The following ZHX3 variants were observed in gnomAD, a reference collection of about 807,000 sequenced individuals.
ZHX3 encodes the protein zinc fingers and homeoboxes 3, also known as zinc fingers and homeoboxes protein 3.
A neutral mutation model predicts 64.5 loss-of-function variants in ZHX3; 20 were observed. The observed-to-expected ratio is 0.31, with a 90% CI of 0.22 to 0.45. The LOEUF (loss-of-function observed/expected upper bound fraction) is 0.45, where lower values mean the gene tolerates loss of function less well. Among genes scored for constraint, ZHX3 ranks in the 20% least tolerant of loss-of-function variants. ZHX3 has a pLI of 1.00. For missense variants in ZHX3, 1,041 were observed against 1,195.8 expected (o/e 0.87, Z 1.91); for synonymous variants, 423 against 461.6 (o/e 0.92, Z 1.07).
intron 2 of ZHX3, among the ~76,000 whole-genome samples, chr20:41,209,645 C>T (rs1457395444): frequency 2.0e-5 from 3 of 152,048 alleles, no homozygotes; most frequent in African/African-American, 4.8e-5. Flanking sequence ...TAGCCATATG[C>T]AGAAAGCTGA....
chr20:41,306,873 G>A (rs1298998861), intron 1 of ZHX3, among the ~76,000 whole-genome samples: 1 of 152,232 alleles, frequency 6.6e-6, no homozygotes, highest in Non-Finnish European at 1.5e-5. Context: ...AGAGTTGAAT[G>A]GAGGGGTCAA....
At chr20:41,289,697 C>CT (rs11477086) in intron 1 of ZHX3, among the ~76,000 whole-genome samples, 1,598 of 144,308 alleles carry the variant, frequency 0.011, 9 homozygotes, top group Admixed American at 0.016. Flanking sequence ...AAGACTGTCA[C>CT]TTTTTTTTTT....
chr20:41,230,758 T>C (rs1012479723), intron 2 of ZHX3, among the ~76,000 whole-genome samples: 1 of 152,214 alleles, frequency 6.6e-6, no homozygotes, highest in Non-Finnish European at 1.5e-5. Flanking sequence ...CCAGAAGGTA[T>C]AGATATTTCC....
At chr20:41,218,354 T>C (rs2039695198) in intron 2 of ZHX3, among the ~76,000 whole-genome samples, 1 of 152,030 alleles carries the variant, frequency 6.6e-6, no homozygotes, top group African/African-American at 2.4e-5. Flanking sequence ...CTGAGGCGGA[T>C]GACTGCTTAA....
intron 2 of ZHX3, among the ~76,000 whole-genome samples, chr20:41,264,857 A>G (rs1054485516): frequency 6.6e-6 from 1 of 152,200 alleles, no homozygotes; most frequent in Non-Finnish European, 1.5e-5. Flanking sequence ...AGAAATAAAA[A>G]CATTCATTTG....
rs551687551 is a variant in ZHX3 at position 41,180,992 on chromosome 20, A to G, written c.*4199T>C. The G allele has an allele frequency of 6.6e-6, 1 of 152,406 alleles. No individual in the cohort carries two copies. The highest frequency in any genetic ancestry group is 6.5e-5 in the Admixed American group (1 of 15,304). The allele number at this position is 152,406 out of a possible 1,614,324, so 9.4% of individuals were successfully genotyped here. On this transcript the variant is annotated 3_prime_UTR_variant, in exon 4 of 4. Coordinates refer to ENST00000683867, the MANE Select transcript of ZHX3 (RefSeq NM_001384317.1). ...AAAGGCTTGAGCTCCACAACTGCCC[A>G]TTTGCTCAGACAATGGAGCTTTTCT... is the stretch of plus-strand genomic sequence containing the variant.
intron 2 of ZHX3, among the ~76,000 whole-genome samples, chr20:41,209,674 C>T (rs1207828411): frequency 2.0e-5 from 3 of 152,178 alleles, no homozygotes; most frequent in Admixed American, 2.0e-4. Flanking sequence ...CCCTTCCTTA[C>T]ACCTTATACA....
chr20:41,290,213 C>T (rs1055609781), intron 1 of ZHX3: 1 of 152,164 alleles, frequency 6.6e-6, no homozygotes, highest in Non-Finnish European at 1.5e-5. Flanking sequence ...ATGCTTGAAA[C>T]CTCACACATT....
chr20:41,214,455 A>G (rs917908376), intron 2 of ZHX3, among the ~76,000 whole-genome samples: 2 of 152,028 alleles, frequency 1.3e-5, no homozygotes, highest in South Asian at 2.1e-4. Context: ...AACTTCAACC[A>G]CTCCACACAG....
intron 1 of ZHX3, among the ~76,000 whole-genome samples, chr20:41,278,977 C>T (rs1318403838): frequency 6.6e-6 from 1 of 152,182 alleles, no homozygotes; most frequent in Non-Finnish European, 1.5e-5. Context: ...CAGGGTTTCA[C>T]CGTGCTAGCC....
At chr20:41,255,150 GATATAT>G (rs970106723) in intron 2 of ZHX3, among the ~76,000 whole-genome samples, 1 of 151,400 alleles carries the variant, frequency 6.6e-6, no homozygotes, top group Non-Finnish European at 1.5e-5. Flanking sequence ...TTGAAAAAAT[GATATAT>G]ATATATTTTT....
chr20:41,311,542 G>GA, intron 1 of ZHX3, among the ~76,000 whole-genome samples: 1 of 152,218 alleles, frequency 6.6e-6, no homozygotes, highest in Admixed American at 6.5e-5. Flanking sequence ...TACATGCTTA[G>GA]AAAAACAAGA....
intron 3 of ZHX3, among the ~76,000 whole-genome samples, chr20:41,193,497 G>A (rs1470048636): frequency 1.3e-5 from 2 of 152,064 alleles, no homozygotes; most frequent in African/African-American, 4.8e-5. Flanking sequence ...TTTTTAGACA[G>A]ATAGGGTCTC....
At chr20:41,261,231 C>T (rs2042546866) in intron 2 of ZHX3, among the ~76,000 whole-genome samples, 1 of 151,954 alleles carries the variant, frequency 6.6e-6, no homozygotes, top group Admixed American at 6.6e-5. Context: ...GAAGGGGAAT[C>T]TAGTAGAGTT....
At chr20:41,260,339 G>C (rs780324269) in intron 2 of ZHX3, among the ~76,000 whole-genome samples, 20 of 152,172 alleles carry the variant, frequency 1.3e-4, no homozygotes, top group Non-Finnish European at 2.1e-4. Flanking sequence ...ACAACTACAA[G>C]AGCAAAAATA....
intron 2 of ZHX3, chr20:41,238,866 A>G (rs1213297843): frequency 6.6e-6 from 1 of 152,086 alleles, no homozygotes; most frequent in Admixed American, 6.5e-5. Flanking sequence ...CAAGTAAGAA[A>G]CCTAATTTGA....
At chr20:41,294,297 T>C (rs540575693) in intron 1 of ZHX3, among the ~76,000 whole-genome samples, 6 of 152,368 alleles carry the variant, frequency 3.9e-5, no homozygotes, top group South Asian at 2.1e-4. Context: ...AAATTTTGTA[T>C]GTAAATGATG....
chr20:41,292,920 G>C (rs1365657153), intron 1 of ZHX3, among the ~76,000 whole-genome samples: 1 of 152,220 alleles, frequency 6.6e-6, no homozygotes, highest in Non-Finnish European at 1.5e-5. Context: ...AGCTTGTCTG[G>C]CTAGAATAAA....
At chr20:41,316,681 G>C in intron 1 of ZHX3, among the ~76,000 whole-genome samples, 1 of 152,064 alleles carries the variant, frequency 6.6e-6, no homozygotes, top group Admixed American at 6.5e-5. Flanking sequence ...TTTCTCGCAG[G>C]GCACAAGCCC....
Sources: allele counts gnomAD v4.1 joint callset (sites outside exome capture counted in the v4.1 genomes callset), GRCh38; gene constraint gnomAD v4.1.1; transcripts MANE v1.5; gene names NCBI Gene and HGNC (gene_info 2026-07-23, HGNC 2026-07-21).